The following GABRA4 variants were observed in gnomAD, a reference collection of about 807,000 sequenced individuals.
GABRA4 encodes the protein gamma-aminobutyric acid type A receptor subunit alpha4, also known as gamma-aminobutyric acid receptor subunit alpha-4.
A neutral mutation model predicts 49.7 loss-of-function variants in GABRA4; 12 were observed. The observed-to-expected ratio is 0.24, with a 90% CI of 0.15 to 0.39. The LOEUF (loss-of-function observed/expected upper bound fraction) is 0.39, where lower values mean the gene tolerates loss of function less well. Among genes scored for constraint, GABRA4 ranks in the 10% least tolerant of loss-of-function variants. The pLI, the probability that GABRA4 is intolerant of heterozygous loss-of-function variation, is 1.00. For synonymous variants in GABRA4, 288 were observed against 240.2 expected (o/e 1.20, Z -1.84); for missense variants, 506 against 686.0 (o/e 0.74, Z 2.93).
At chr4:46,975,182 T>C (rs1002188795) in intron 5 of GABRA4, among the ~76,000 whole-genome samples, 2 of 151,936 alleles carry the variant, frequency 1.3e-5, no homozygotes, top group East Asian at 1.9e-4. Flanking sequence ...ATGAATTGTG[T>C]GCCAACCTCC....
Position 46,922,370 on chromosome 4 carries a change from C to T in GABRA4, c.*5855G>A, listed in dbSNP as rs988161585. 2 of 152,086 alleles carry T rather than the reference C, an allele frequency of 1.3e-5. No individual in the cohort carries two copies. Among genetic ancestry groups the T allele is most frequent in the African/African-American group, 4.8e-5 (2 of 41,420 alleles). The allele number at this position is 152,086 out of a possible 1,614,324, so 9.4% of individuals were successfully genotyped here. A position where few individuals can be genotyped will look rare whatever the true frequency, so the allele number is the denominator to read the frequency against. On this transcript the variant is annotated 3_prime_UTR_variant, in exon 9 of 9. Transcript: ENST00000264318. The stretch of plus-strand genomic sequence containing the variant: ...AAATAGCTTCTGTGGGCTGATCTGA[C>T]TCACCCTCCCACCACTTCCCACACT...
Position 46,957,243 on chromosome 4 carries a change from AG to A in GABRA4, c.1134+7726del, listed in dbSNP as rs1186237807. ...AGCTCGGTCAGAATGAGCCCCCAAA[AG>A]AAAATAAGGCTACAGTTTGACTTTG... On this transcript the variant is annotated intron_variant, in intron 8 of 8. Coordinates refer to ENST00000264318, the MANE Select transcript of GABRA4 (RefSeq NM_000809.4). Among the ~76,000 whole-genome samples the A allele has an allele frequency of 1.2e-4, 18 of 149,848 alleles. No individual in the cohort carries two copies. The Admixed American group carries it at 1.2e-3, about 10-fold the overall frequency.
intron 2 of GABRA4, among the ~76,000 whole-genome samples, chr4:46,992,105 G>A (rs1394384048): frequency 1.3e-5 from 2 of 152,194 alleles, no homozygotes; most frequent in Non-Finnish European, 2.9e-5. Flanking sequence ...CTAGCGCAAA[G>A]CTTGCCACAT....
intron 2 of GABRA4, among the ~76,000 whole-genome samples, chr4:46,990,139 A>AAC (rs75808227): frequency 1.3e-4 from 16 of 121,858 alleles, no homozygotes; most frequent in African/African-American, 5.0e-4. Context: ...CAAACAAACA[A>AAC]AACCCATATT....
chr4:46,968,376 A>G (rs1018579546), intron 7 of GABRA4, among the ~76,000 whole-genome samples: 4 of 150,590 alleles, frequency 2.7e-5, no homozygotes, highest in Non-Finnish European at 5.9e-5. Flanking sequence ...TTTCTAATGA[A>G]AAAAAAAACA....
At chr4:46,935,832 A>T (rs1877399) in intron 8 of GABRA4, among the ~76,000 whole-genome samples, 15,890 of 152,146 alleles carry the variant, frequency 0.1, 985 homozygotes, top group South Asian at 0.23. Flanking sequence ...AAAAGTTTTT[A>T]AAAAAAGAAT....
chr4:46,987,048 C>T (rs6816951), intron 2 of GABRA4, among the ~76,000 whole-genome samples: 1 of 152,080 alleles, frequency 6.6e-6, no homozygotes, highest in African/African-American at 2.4e-5. Flanking sequence ...ACAAGGAGAG[C>T]CTTTTAAAAT....
intron 8 of GABRA4, among the ~76,000 whole-genome samples, chr4:46,938,572 C>T (rs1049288188): frequency 6.6e-6 from 1 of 152,084 alleles, no homozygotes; most frequent in African/African-American, 2.4e-5. Flanking sequence ...TTTGATGAGC[C>T]AAGAACCTTG....
Position 46,921,868 on chromosome 4 carries a change from T to G in GABRA4, c.*6357A>C, listed in dbSNP as rs1373878230. The G allele has an allele frequency of 6.6e-6, 1 of 152,084 alleles. No homozygotes were observed. The highest frequency in any genetic ancestry group is 1.9e-4 in the East Asian group (1 of 5,180). 9.4% of individuals were successfully genotyped at this position (152,084 alleles called of 1,614,324 possible). A position where few individuals can be genotyped will look rare whatever the true frequency, so the allele number is the denominator to read the frequency against. On this transcript the variant is annotated 3_prime_UTR_variant, in exon 9 of 9. Coordinates refer to ENST00000264318, the MANE Select transcript of GABRA4 (RefSeq NM_000809.4). ...CTATAGTCAGCAGCTTTTAAGTAGG[T>G]AGCCATTTGCACTAATAGGAGAAAG...
At chr4:46,934,785 T>C (rs1428206197) in intron 8 of GABRA4, among the ~76,000 whole-genome samples, 8 of 152,190 alleles carry the variant, frequency 5.3e-5, no homozygotes, top group Non-Finnish European at 1.5e-5. Flanking sequence ...TTTTTATTTG[T>C]AAATGTTTTG....
At chr4:46,954,869 A>G (rs945457601) in intron 8 of GABRA4, among the ~76,000 whole-genome samples, 1 of 152,120 alleles carries the variant, frequency 6.6e-6, no homozygotes, top group African/African-American at 2.4e-5. Flanking sequence ...ATCCAAGTCT[A>G]CCATTTACTA....
At chr4:46,965,298 C>A in intron 7 of GABRA4, 69 bp from the exon 8 acceptor site, 4 of 1,275,380 alleles carry the variant, frequency 3.1e-6, no homozygotes, top group South Asian at 2.4e-5. Flanking sequence ...CCGCCACCAC[C>A]AACAAAAACC....
chr4:46,939,402 A>T (rs1444476216), intron 8 of GABRA4, among the ~76,000 whole-genome samples: 2 of 152,058 alleles, frequency 1.3e-5, no homozygotes, highest in Non-Finnish European at 2.9e-5. Context: ...GGGTTTTCAC[A>T]AATAACCTCA....
At chr4:46,987,672 A>G (rs1451479468) in intron 2 of GABRA4, among the ~76,000 whole-genome samples, 1 of 152,118 alleles carries the variant, frequency 6.6e-6, no homozygotes, top group Non-Finnish European at 1.5e-5. Flanking sequence ...TAATCAACTT[A>G]CATATATCCA....
In GABRA4 at chr4:46,974,243, T is replaced by G. The variant is rs1443873585; in HGVS notation, c.710A>C (p.Lys237Thr). The change falls in exon 6 of 9, where the codon AAA becomes ACA. Residue 237 changes from lysine to threonine, a missense_variant. By Grantham distance (78) the Lys-to-Thr change is moderately conservative (BLOSUM62 -1). Coordinates refer to ENST00000264318, the MANE Select transcript of GABRA4 (RefSeq NM_000809.4). The part of the protein sequence containing the change: ...IGQTVSSETI[K>T]SITGEYIVMT... ...ATTACACATCTCACCCGTAATTGAT[T>G]TGATGGTTTCACTTGATACGGTTTG... 1.2e-6 allele frequency: 2 copies of G among 1,610,374 alleles called. No individual in the cohort carries two copies. The highest frequency in any genetic ancestry group is 2.7e-5 in the African/African-American group (2 of 74,652).
intron 6 of GABRA4, 33 bp from the exon 7 acceptor site, chr4:46,971,268 G>C (rs772633076): frequency 2.5e-6 from 4 of 1,598,748 alleles, no homozygotes; most frequent in Non-Finnish European, 3.4e-6. Flanking sequence ...ATGTGTTATC[G>C]GTTCTGCAGG....
chr4:46,953,432 C>T (rs974708992), intron 8 of GABRA4, among the ~76,000 whole-genome samples: 2 of 152,082 alleles, frequency 1.3e-5, no homozygotes, highest in Non-Finnish European at 2.9e-5. Context: ...TTTAAAACAA[C>T]AGATGTTGTA....
chr4:46,992,390 A>T (rs1723787589), intron 2 of GABRA4, among the ~76,000 whole-genome samples: 1 of 152,236 alleles, frequency 6.6e-6, no homozygotes, highest in African/African-American at 2.4e-5. Flanking sequence ...TCCCAGGTAG[A>T]ACATTGGCCA....
chr4:46,974,390 A>G lies in GABRA4; in HGVS notation c.578-15T>C, dbSNP rs1560479564. 1.2e-6 allele frequency: 2 copies of G among 1,605,258 alleles called. No individual in the cohort carries two copies. The highest frequency in any genetic ancestry group is 1.7e-6 in the Non-Finnish European group (2 of 1,175,394). ...TGGATAGGCATCTAAAAGAGAGCAC[A>G]GAATGTGGTTAGAGTCAATGCTCCT... is the stretch of plus-strand genomic sequence containing the variant. On this transcript the variant is annotated splice_polypyrimidine_tract_variant and intron_variant, in intron 5 of 8. Transcript: ENST00000264318.
Sources: allele counts gnomAD v4.1 joint callset (sites outside exome capture counted in the v4.1 genomes callset), GRCh38; gene constraint gnomAD v4.1.1; transcripts MANE v1.5; gene names NCBI Gene and HGNC (gene_info 2026-07-23, HGNC 2026-07-21).